Variants in ADK observed in about 807,000 individuals in gnomAD.
ADK encodes adenosine kinase, also known as N6,N6-dimethyladenosine kinase.
A neutral mutation model predicts 44.7 loss-of-function variants in ADK; 24 were observed. That is an observed-to-expected ratio of 0.54 (90% CI 0.39 to 0.76). ADK has a LOEUF of 0.76. ADK is among the 30% of genes least tolerant of loss of function. ADK has a pLI of 0.00. For missense variants in ADK, 321 were observed against 425.1 expected, an observed-to-expected ratio of 0.76 and a Z score of 2.15; for synonymous variants, 128 against 142.6, an observed-to-expected ratio of 0.90 and a Z score of 0.73.
At chr10:74,215,685 A>C (rs1202000998) in intron 2 of ADK, among the ~76,000 whole-genome samples, 1 of 137,422 alleles carries the variant, frequency 7.3e-6, no homozygotes, top group Non-Finnish European at 1.6e-5. Flanking sequence ...TTTTTTTTTA[A>C]GACAGAGTCT....
chr10:74,333,790 A>G lies in ADK; in HGVS notation c.273+19045A>G, dbSNP rs186239985. On this transcript the variant is annotated intron_variant, in intron 4 of 10. Transcript: ENST00000539909. ...TAGGTATTGAAGCATATCTGAAAGT[A>G]TAATTAATTAACCTCAAATGAATAC... Among the ~76,000 whole-genome samples the G allele has an allele frequency of 4.8e-3, 736 of 152,298 alleles. 3 individuals are homozygous for G. Among genetic ancestry groups the G allele is most frequent in the Middle Eastern group, 0.014 (4 of 294 alleles).
At chr10:74,238,856 C>CTTTTTTTTTT (rs752385282) in intron 3 of ADK, among the ~76,000 whole-genome samples, 7 of 88,192 alleles carry the variant, frequency 7.9e-5, no homozygotes, top group African/African-American at 2.4e-4. Flanking sequence ...TTAGCTAGTG[C>CTTTTTTTTTT]TTTTTTTTTT....
chr10:74,567,009 T>C (rs1850694565), intron 7 of ADK, among the ~76,000 whole-genome samples: 1 of 152,350 alleles, frequency 6.6e-6, no homozygotes, highest in Middle Eastern at 3.4e-3. Flanking sequence ...GAAAAGACTT[T>C]AGAAAGTGTT....
chr10:74,480,359 G>A (rs1458033325), intron 6 of ADK, among the ~76,000 whole-genome samples: 3 of 151,784 alleles, frequency 2.0e-5, no homozygotes, highest in Non-Finnish European at 4.4e-5. Context: ...CTCCTGAGTA[G>A]CTGGGACTAC....
At chr10:74,253,254 T>TA (rs541979354) in intron 3 of ADK, among the ~76,000 whole-genome samples, 1 of 152,134 alleles carries the variant, frequency 6.6e-6, no homozygotes, top group South Asian at 2.1e-4. Flanking sequence ...AGGCAGAGAG[T>TA]AGCAGTTCAG....
At chr10:74,497,073 A>G (rs1847715133) in intron 6 of ADK, among the ~76,000 whole-genome samples, 1 of 152,052 alleles carries the variant, frequency 6.6e-6, no homozygotes, top group Non-Finnish European at 1.5e-5. Context: ...TCAGCCTCCC[A>G]AGTAGCAGAG....
intron 3 of ADK, among the ~76,000 whole-genome samples, chr10:74,276,392 GC>G (rs1846681440): frequency 6.6e-6 from 1 of 152,158 alleles, no homozygotes; most frequent in South Asian, 2.1e-4. Context: ...TGCTTTCTGG[GC>G]CCCAACACTG....
At chr10:74,569,283 T>C (rs916453801) in intron 7 of ADK, among the ~76,000 whole-genome samples, 1 of 152,216 alleles carries the variant, frequency 6.6e-6, no homozygotes, top group African/African-American at 2.4e-5. Context: ...ATCCCTTGGG[T>C]ATATACCCAG....
At chr10:74,499,437 C>T (rs1847811071) in intron 6 of ADK, among the ~76,000 whole-genome samples, 1 of 152,094 alleles carries the variant, frequency 6.6e-6, no homozygotes, top group Non-Finnish European at 1.5e-5. Context: ...GCCTGTAATC[C>T]CAGCACTTTG....
intron 3 of ADK, among the ~76,000 whole-genome samples, chr10:74,261,429 ATCCTG>A (rs1846035492): frequency 6.6e-6 from 1 of 152,072 alleles, no homozygotes; most frequent in Admixed American, 6.6e-5. Flanking sequence ...TTCAGCTCTG[ATCCTG>A]GGACTTCCCT....
Position 74,525,405 on chromosome 10 carries a change from T to C in ADK, c.705T>C (p.Asp235=), listed in dbSNP as rs16931480. The change falls in exon 7 of 11, where the codon GAT becomes GAC. Residue 235 remains aspartate, a synonymous_variant. Transcript: ENST00000539909. Reference sequence around the variant, plus strand: ...TGATGAAAGTTATGCCTTATGTTGATATACTTTTTGGAAATGAGACAGTGA... The same window carrying C: ...TGATGAAAGTTATGCCTTATGTTGACATACTTTTTGGAAATGAGACAGTGA... ...ESLMKVMPYV[D]ILFGNETEAA... 13,685 of 1,613,050 alleles carry C rather than the reference T, an allele frequency of 8.5e-3. 418 individuals carry two copies. The African/African-American group carries it at 0.093, about 11-fold the overall frequency.
intron 7 of ADK, among the ~76,000 whole-genome samples, chr10:74,587,328 A>AT (rs1194875066): frequency 6.6e-6 from 1 of 152,086 alleles, no homozygotes; most frequent in Admixed American, 6.6e-5. Flanking sequence ...TTATTTGCTT[A>AT]TTTTTGTCTA....
At chr10:74,554,509 G>A (rs969647298) in intron 7 of ADK, among the ~76,000 whole-genome samples, 1 of 152,018 alleles carries the variant, frequency 6.6e-6, no homozygotes, top group Admixed American at 6.6e-5. Flanking sequence ...AATTAGAAAG[G>A]TATTACAATT....
intron 6 of ADK, among the ~76,000 whole-genome samples, chr10:74,507,244 T>G (rs181066851): frequency 6.6e-6 from 1 of 152,298 alleles, no homozygotes; most frequent in Admixed American, 6.5e-5. Flanking sequence ...AGAGAGTTGT[T>G]CAACTCTAAA....
Position 74,394,333 on chromosome 10 carries a change from AACCACTAT to A in ADK, c.446+23_446+30del. ...CAACAGGTCAGTGTAATTCCAAGGG[AACCACTAT>A]ACTAATTGGCTATTTTAACACTGGT... is the stretch of plus-strand genomic sequence containing the variant. On this transcript the variant is annotated intron_variant, in intron 5 of 10. Coordinates refer to ENST00000539909, the MANE Select transcript of ADK (RefSeq NM_006721.4). 3 of 1,611,774 alleles carry A rather than the reference AACCACTAT, an allele frequency of 1.9e-6. No individual in the cohort carries two copies. The highest frequency in any genetic ancestry group is 2.5e-6 in the Non-Finnish European group (3 of 1,178,944).
At chr10:74,232,776 C>A (rs1844823876) in intron 3 of ADK, among the ~76,000 whole-genome samples, 1 of 152,140 alleles carries the variant, frequency 6.6e-6, no homozygotes. Context: ...TAGGCGCACG[C>A]CGCCACACCC....
At chr10:74,210,626 C>A (rs1363199086) in intron 2 of ADK, among the ~76,000 whole-genome samples, 6 of 151,950 alleles carry the variant, frequency 3.9e-5, no homozygotes, top group African/African-American at 1.5e-4. Flanking sequence ...TATAGTGAGA[C>A]CCTGTCTCTA....
chr10:74,292,329 T>C (rs764297148), intron 3 of ADK, among the ~76,000 whole-genome samples: 2 of 152,224 alleles, frequency 1.3e-5, no homozygotes, highest in Non-Finnish European at 2.9e-5. Context: ...GTTTCTGTGA[T>C]GGGAAGATGA....
intron 6 of ADK, among the ~76,000 whole-genome samples, chr10:74,467,284 C>G (rs1378697415): frequency 2.0e-5 from 3 of 152,060 alleles, no homozygotes; most frequent in Non-Finnish European, 4.4e-5. Flanking sequence ...TGGTGCAAGC[C>G]TATATCTAAG....
Sources: allele counts gnomAD v4.1 joint callset (sites outside exome capture counted in the v4.1 genomes callset), GRCh38; gene constraint gnomAD v4.1.1; transcripts MANE v1.5; gene names NCBI Gene and HGNC (gene_info 2026-07-23, HGNC 2026-07-21).